SEC61G: variants seen among roughly 807,000 people sequenced by gnomAD.
SEC61G encodes SEC61 translocon subunit gamma, also known as protein transport protein Sec61 subunit gamma.
Under a neutral mutation model 7.5 loss-of-function variants are expected in SEC61G, and 4 were observed. The ratio of observed to expected loss-of-function variants is 0.54; its 90% CI spans 0.26 to 1.22. The LOEUF is 1.22. Among genes scored for constraint, SEC61G ranks in the 50% most tolerant of loss-of-function variants. SEC61G has a pLI of 0.12. For synonymous variants in SEC61G, 24 were observed against 24.4 expected (o/e 0.98, Z 0.05); for missense variants, 53 against 84.6 (o/e 0.63, Z 1.46).
chr7:54,756,975 T>G (rs1489467666), intron 2 of SEC61G, among the ~76,000 whole-genome samples: 1 of 97,508 alleles, frequency 1.0e-5, no homozygotes, highest in Non-Finnish European at 2.6e-5. Flanking sequence ...CTATATATAC[T>G]ATATACTATA....
At chr7:54,756,740 T>G (rs1000943817) in intron 2 of SEC61G, among the ~76,000 whole-genome samples, 1 of 152,032 alleles carries the variant, frequency 6.6e-6, no homozygotes, top group Non-Finnish European at 1.5e-5. Flanking sequence ...ATCTCCTGAC[T>G]TGGTTAGTCC....
chr7:54,756,916 T>C (rs1351044559), intron 2 of SEC61G, among the ~76,000 whole-genome samples: 1 of 148,270 alleles, frequency 6.7e-6, no homozygotes. Context: ...TATATACATG[T>C]TATATACTAT....
intron 3 of SEC61G, among the ~76,000 whole-genome samples, chr7:54,754,573 C>T (rs1476430231): frequency 1.3e-5 from 2 of 152,214 alleles, no homozygotes; most frequent in Non-Finnish European, 2.9e-5. Context: ...CTTTGTGGCA[C>T]TTCTGCCTTA....
intron 1 of SEC61G, 62 bp from the exon 2 acceptor site, chr7:54,757,656 T>TG: frequency 2.2e-6 from 3 of 1,355,166 alleles, no homozygotes; most frequent in Non-Finnish European, 3.2e-6. Flanking sequence ...ACTTGCTCAT[T>TG]TATATAAAGA....
In SEC61G at chr7:54,752,350, T is replaced by C; in HGVS notation, c.*61A>G. 8.1e-7 allele frequency: 1 copy of C among 1,228,400 alleles called. No individual in the cohort carries two copies. Among genetic ancestry groups the C allele is most frequent in the Non-Finnish European group, 1.1e-6 (1 of 884,812 alleles). The allele number at this position is 1,228,400 out of a possible 1,614,324, so 76.1% of individuals were successfully genotyped here. Reference sequence around the variant, plus strand: ...CAGGCAAATTTGTATTCTGTGAGTTTCTCACACCCTCACACTTGTTCACCA... The same window carrying C: ...CAGGCAAATTTGTATTCTGTGAGTTCCTCACACCCTCACACTTGTTCACCA... On this transcript the variant is annotated 3_prime_UTR_variant, in exon 4 of 4. Transcript: ENST00000352861.
rs769358717 is a variant in SEC61G, at chr7:54,757,451, A to C, written c.94+44T>G. The C allele has an allele frequency of 1.9e-5, 29 of 1,503,156 alleles. No homozygotes were observed. The East Asian group carries it at 6.3e-4, about 33-fold the overall frequency. The allele number at this position is 1,503,156 out of a possible 1,614,324, so 93.1% of individuals were successfully genotyped here. A position where few individuals can be genotyped will look rare whatever the true frequency, so the allele number is the denominator to read the frequency against. ...GATGTTAATCAAACAAAAGGCTTAG[A>C]AAATGCAAAGATTTAATTTTTTCTC... On this transcript the variant is annotated intron_variant, in intron 2 of 3. Transcript: ENST00000352861.
chr7:54,752,474 T>A, intron 3 of SEC61G, 54 bp from the exon 4 acceptor site: 2 of 1,186,688 alleles, frequency 1.7e-6, no homozygotes, highest in Non-Finnish European at 2.4e-6. Flanking sequence ...TTTTAATAAT[T>A]ATTATTATTT....
At chr7:54,758,990 T>C in intron 1 of SEC61G, 168 bp downstream of exon 1, 1 of 321,604 alleles carries the variant, frequency 3.1e-6, no homozygotes, top group Non-Finnish European at 6.2e-6. Flanking sequence ...GCCGAGTTGG[T>C]GGGATGTCGG....
intron 3 of SEC61G, among the ~76,000 whole-genome samples, chr7:54,754,173 T>A (rs115283353): frequency 0.01 from 1,575 of 152,196 alleles, 25 homozygotes; most frequent in African/African-American, 0.035. Flanking sequence ...GGGAAAAAAT[T>A]TGAAAGGTGC....
chr7:54,753,672 T>C (rs1377374420), intron 3 of SEC61G, among the ~76,000 whole-genome samples: 1 of 152,226 alleles, frequency 6.6e-6, no homozygotes, highest in Non-Finnish European at 1.5e-5. Flanking sequence ...TTGGCCTTCA[T>C]GTTAAGGTAA....
At chr7:54,758,078 A>AAG (rs1230384724) in intron 1 of SEC61G, among the ~76,000 whole-genome samples, 2 of 152,352 alleles carry the variant, frequency 1.3e-5, no homozygotes, top group Non-Finnish European at 2.9e-5. Flanking sequence ...ACGGTGCTGC[A>AAG]AGAGCCTAGA....
Position 54,752,433 on chromosome 7 carries a change from G to GA in SEC61G, c.198-14dup. 1.4e-6 allele frequency: 2 copies of GA among 1,473,286 alleles called. No homozygotes were observed. The highest frequency in any genetic ancestry group is 1.9e-6 in the Non-Finnish European group (2 of 1,075,780). 91.3% of individuals were successfully genotyped at this position (1,473,286 alleles called of 1,614,324 possible). A position where few individuals can be genotyped will look rare whatever the true frequency, so the allele number is the denominator to read the frequency against. ...TATTCAGCCACCACTGTAAAAGAAA[G>GA]AAAAATTATTACTTCTGAGCATAGA... is the stretch of plus-strand genomic sequence containing the variant. On this transcript the variant is annotated splice_polypyrimidine_tract_variant and intron_variant, in intron 3 of 3. Transcript: ENST00000352861.
chr7:54,753,398 C>T (rs1478852120), intron 3 of SEC61G, among the ~76,000 whole-genome samples: 1 of 151,954 alleles, frequency 6.6e-6, no homozygotes, highest in African/African-American at 2.4e-5. Context: ...ACTAAAAGGC[C>T]AGCAAGTGCC....
At chr7:54,753,662 T>C (rs1440238521) in intron 3 of SEC61G, among the ~76,000 whole-genome samples, 1 of 152,218 alleles carries the variant, frequency 6.6e-6, no homozygotes, top group Non-Finnish European at 1.5e-5. Flanking sequence ...AATGTTTTAA[T>C]TGGCCTTCAT....
intron 3 of SEC61G, among the ~76,000 whole-genome samples, chr7:54,752,775 T>C (rs971786896): frequency 2.6e-5 from 4 of 152,112 alleles, no homozygotes; most frequent in Non-Finnish European, 4.4e-5. Flanking sequence ...GACACACCAG[T>C]AGAACACACC....
At chr7:54,758,987 T>A (rs918409495) in intron 1 of SEC61G, 171 bp downstream of exon 1, 1 of 319,382 alleles carries the variant, frequency 3.1e-6, no homozygotes, top group Non-Finnish European at 6.2e-6. Flanking sequence ...GAGGCCGAGT[T>A]GGTGGGATGT....
chr7:54,754,900 A>T (rs1004196236), intron 3 of SEC61G: 1 of 152,144 alleles, frequency 6.6e-6, no homozygotes, highest in Admixed American at 6.5e-5. Flanking sequence ...TAATGGATAC[A>T]AGCACTGATA....
In SEC61G at chr7:54,757,605, C is replaced by CA; in HGVS notation, c.-6-12dup. ...CTGATCCATGACTGCCTGTTTAAAA[C>CA]AAAAAAGATACTCACTGGTATTGGT... is the stretch of plus-strand genomic sequence containing the variant. On this transcript the variant is annotated splice_polypyrimidine_tract_variant and intron_variant, in intron 1 of 3. Transcript: ENST00000352861. 1.2e-6 allele frequency: 2 copies of CA among 1,606,990 alleles called. No individual in the cohort carries two copies. Among genetic ancestry groups the CA allele is most frequent in the Non-Finnish European group, 1.7e-6 (2 of 1,175,256 alleles).
At chr7:54,753,447 G>A (rs567863894) in intron 3 of SEC61G, among the ~76,000 whole-genome samples, 1 of 152,036 alleles carries the variant, frequency 6.6e-6, no homozygotes, top group East Asian at 1.9e-4. Flanking sequence ...AATTTTGATT[G>A]CTATACTTAG....
Sources: allele counts gnomAD v4.1 joint callset (sites outside exome capture counted in the v4.1 genomes callset), GRCh38; gene constraint gnomAD v4.1.1; transcripts MANE v1.5; gene names NCBI Gene and HGNC (gene_info 2026-07-23, HGNC 2026-07-21).